Variants in RPH3A observed in about 807,000 individuals in gnomAD.
The protein encoded by RPH3A is rabphilin-3A.
A neutral mutation model predicts 102.2 loss-of-function variants in RPH3A; 48 were observed. That is an observed-to-expected ratio of 0.47 (90% CI 0.37 to 0.60). RPH3A has a LOEUF of 0.60. Ranked by LOEUF, RPH3A falls within the 20% of genes least tolerant of loss-of-function variation. RPH3A has a pLI of 0.00. For synonymous variants in RPH3A, 310 were observed against 324.3 expected, an observed-to-expected ratio of 0.96 and a Z score of 0.47; for missense variants, 781 against 910.1, an observed-to-expected ratio of 0.86 and a Z score of 1.83.
At chr12:112,643,421 G>A (rs1176852090) in intron 1 of RPH3A, among the ~76,000 whole-genome samples, 2 of 152,232 alleles carry the variant, frequency 1.3e-5, no homozygotes, top group Non-Finnish European at 2.9e-5. Context: ...CTAGAGTTAA[G>A]CATGTGTGTG....
chr12:112,656,783 C>T (rs544050940), intron 1 of RPH3A, among the ~76,000 whole-genome samples: 31 of 151,882 alleles, frequency 2.0e-4, no homozygotes, highest in African/African-American at 6.3e-4. Flanking sequence ...TAGTATTCCA[C>T]GGTGTGTGTG....
rs113998852 is a variant in RPH3A at position 112,846,708 on chromosome 12, T to C, written c.84-988T>C. Among the ~76,000 whole-genome samples, 960 of 152,338 alleles carry C rather than the reference T, an allele frequency of 6.3e-3. 10 individuals are homozygous for C. Among genetic ancestry groups the C allele is most frequent in the African/African-American group, 0.017 (705 of 41,574 alleles). Reference sequence around the variant, plus strand: ...AGGGACAAGAATTTCTAGTGGTGTTTACCCCTGCCTTCCACTCCAGTGATG... The same window carrying C: ...AGGGACAAGAATTTCTAGTGGTGTTCACCCCTGCCTTCCACTCCAGTGATG... On this transcript the variant is annotated intron_variant, in intron 4 of 21. Transcript: ENST00000389385.
chr12:112,724,846 G>C (rs190517136), intron 1 of RPH3A, among the ~76,000 whole-genome samples: 1 of 152,276 alleles, frequency 6.6e-6, no homozygotes, highest in East Asian at 1.9e-4. Context: ...ACACACGCCT[G>C]TAGTCCCAGC....
chr12:112,726,692 A>G (rs1023085335), intron 1 of RPH3A, among the ~76,000 whole-genome samples: 8 of 152,158 alleles, frequency 5.3e-5, no homozygotes, highest in African/African-American at 1.2e-4. Flanking sequence ...TTGCCATTTT[A>G]TCTCAAAGTA....
chr12:112,836,505 G>A lies in RPH3A; in HGVS notation c.83+3G>A. On this transcript the variant is annotated splice_donor_region_variant and intron_variant, in intron 4 of 21. Coordinates refer to ENST00000389385, the MANE Select transcript of RPH3A (RefSeq NM_001143854.2). ...CCTTCCTTCAGTGATAAAGAACAGTGAGTATTTTATAACACTTATTTATTT... is the reference window on the plus strand; with the variant it reads ...CCTTCCTTCAGTGATAAAGAACAGTAAGTATTTTATAACACTTATTTATTT... 1 of 1,317,924 alleles carries A rather than the reference G, an allele frequency of 7.6e-7. No homozygotes were observed. Among genetic ancestry groups the A allele is most frequent in the Non-Finnish European group, 1.0e-6 (1 of 957,676 alleles). 81.6% of individuals were successfully genotyped at this position (1,317,924 alleles called of 1,614,324 possible).
intron 10 of RPH3A, among the ~76,000 whole-genome samples, chr12:112,871,607 A>G (rs940502255): frequency 1.3e-5 from 2 of 152,070 alleles, no homozygotes; most frequent in African/African-American, 4.8e-5. Context: ...TTTGAGCAGT[A>G]GGATATAAAT....
chr12:112,859,688 T>C (rs1480781295), intron 5 of RPH3A, among the ~76,000 whole-genome samples: 2 of 152,222 alleles, frequency 1.3e-5, no homozygotes, highest in Admixed American at 6.5e-5. Context: ...GGGATGTGTC[T>C]CACCACCTCC....
Position 112,817,597 on chromosome 12 carries a change from A to G in RPH3A, c.-18-10704A>G, listed in dbSNP as rs113166699. On this transcript the variant is annotated intron_variant, in intron 2 of 21. Transcript: ENST00000389385. ...CCCCCCGCACACGCAGCCTTTTTAG[A>G]GGAGGGAAGAAATTGGTCTTTGCTT... is the stretch of plus-strand genomic sequence containing the variant. Among the ~76,000 whole-genome samples, 68 of 148,252 alleles carry G rather than the reference A, an allele frequency of 4.6e-4. 1 individual carries two copies. The highest frequency in any genetic ancestry group is 1.6e-3 in the African/African-American group (67 of 40,650).
intron 10 of RPH3A, chr12:112,874,837 G>A: frequency 2.0e-6 from 1 of 490,156 alleles, no homozygotes; most frequent in Non-Finnish European, 3.6e-6. Flanking sequence ...CGTCACACAG[G>A]TGGAAGGAGG....
upstream of RPH3A, among the ~76,000 whole-genome samples, chr12:112,790,509 A>G (rs1287411193): frequency 6.6e-6 from 1 of 152,160 alleles, no homozygotes; most frequent in Non-Finnish European, 1.5e-5. Flanking sequence ...TCCAATAGAG[A>G]GAGTTCTCCT....
At chr12:112,593,738 G>T (rs2039495381) in intron 1 of RPH3A, among the ~76,000 whole-genome samples, 1 of 152,180 alleles carries the variant, frequency 6.6e-6, no homozygotes, top group Non-Finnish European at 1.5e-5. Flanking sequence ...GATAAAATGA[G>T]TTCCAGGGAG....
At chr12:112,612,032 G>A (rs920552588) in intron 1 of RPH3A, among the ~76,000 whole-genome samples, 4 of 152,220 alleles carry the variant, frequency 2.6e-5, no homozygotes, top group African/African-American at 7.2e-5. Flanking sequence ...TCTTGGAACC[G>A]TAATGAAATC....
chr12:112,851,574 G>T (rs776420616), intron 5 of RPH3A, among the ~76,000 whole-genome samples: 9 of 152,140 alleles, frequency 5.9e-5, no homozygotes, highest in Non-Finnish European at 1.3e-4. Context: ...AGGAAGCATT[G>T]CCTCCCTGGG....
At chr12:112,654,972 C>T (rs536264032) in intron 1 of RPH3A, among the ~76,000 whole-genome samples, 37 of 152,338 alleles carry the variant, frequency 2.4e-4, no homozygotes, top group African/African-American at 6.0e-4. Flanking sequence ...CAATTCAGGA[C>T]GGCATCATCC....
chr12:112,663,416 G>T (rs2040063592), intron 1 of RPH3A, among the ~76,000 whole-genome samples: 1 of 151,894 alleles, frequency 6.6e-6, no homozygotes, highest in African/African-American at 2.4e-5. Flanking sequence ...TTTTTGCCAT[G>T]TTGCCCAGGA....
At chr12:112,596,656 T>C (rs981141485) in intron 1 of RPH3A, among the ~76,000 whole-genome samples, 2 of 152,240 alleles carry the variant, frequency 1.3e-5, no homozygotes, top group African/African-American at 2.4e-5. Context: ...AATCTGATAG[T>C]TTAAGTTTTC....
intron 17 of RPH3A, 65 bp downstream of exon 17, chr12:112,887,988 G>A: frequency 6.3e-7 from 1 of 1,576,070 alleles, no homozygotes; most frequent in Non-Finnish European, 8.7e-7. Flanking sequence ...CCTTCCTCTG[G>A]GTCTGAATTG....
intron 4 of RPH3A, among the ~76,000 whole-genome samples, chr12:112,847,175 A>G (rs976394786): frequency 6.6e-6 from 1 of 152,226 alleles, no homozygotes; most frequent in Admixed American, 6.5e-5. Flanking sequence ...TAAAAAGAAA[A>G]GGCAAAAAGA....
intron 2 of RPH3A, among the ~76,000 whole-genome samples, chr12:112,794,223 C>T (rs1266400971): frequency 6.6e-6 from 1 of 152,202 alleles, no homozygotes; most frequent in Non-Finnish European, 1.5e-5. Flanking sequence ...TCTCCCCTTT[C>T]TGGGCCTCAG....
Sources: allele counts gnomAD v4.1 joint callset (sites outside exome capture counted in the v4.1 genomes callset), GRCh38; gene constraint gnomAD v4.1.1; transcripts MANE v1.5; gene names NCBI Gene and HGNC (gene_info 2026-07-23, HGNC 2026-07-21).